The following CPNE4 variants were observed in gnomAD, a reference collection of about 807,000 sequenced individuals.
CPNE4 encodes the protein copine-4.
Under a neutral mutation model 67.9 loss-of-function variants are expected in CPNE4, and 25 were observed. That is an observed-to-expected ratio of 0.37 (90% CI 0.27 to 0.51). The LOEUF (loss-of-function observed/expected upper bound fraction) is 0.51, where lower values mean the gene tolerates loss of function less well. CPNE4 is among the 20% of genes least tolerant of loss of function. CPNE4 has a pLI of 0.93. For synonymous variants in CPNE4, 242 were observed against 244.9 expected, an observed-to-expected ratio of 0.99 and a Z score of 0.11; for missense variants, 464 against 690.8, an observed-to-expected ratio of 0.67 and a Z score of 3.68.
intron 7 of CPNE4, among the ~76,000 whole-genome samples, chr3:131,610,338 GA>G (rs1559979094): frequency 6.6e-6 from 1 of 152,192 alleles, no homozygotes; most frequent in African/African-American, 2.4e-5. Flanking sequence ...CAGTGAAGCA[GA>G]TACTATCAAT....
chr3:131,799,508 CTTTAAT>C (rs1317243553), intron 2 of CPNE4, among the ~76,000 whole-genome samples: 1 of 152,050 alleles, frequency 6.6e-6, no homozygotes, highest in Non-Finnish European at 1.5e-5. Flanking sequence ...TGTGTTTTGT[CTTTAAT>C]TTTGTTTTTT....
In CPNE4 at chr3:131,542,727, T is replaced by C. The variant is rs1935576001; in HGVS notation, c.1369A>G (p.Ile457Val). Residue 457 changes from isoleucine (I) to valine (V), a missense_variant, in exon 15 of 16, where the codon ATT (isoleucine) becomes GTT (valine). By Grantham distance (29) the Ile-to-Val change is conservative (BLOSUM62 3). Coordinates refer to ENST00000429747, the MANE Select transcript of CPNE4 (RefSeq NM_130808.3). ...ITDMADTREA[I>V]VHASHLPMSV... ...ATGGGGAGGTGGGAGGCATGGACAA[T>C]GGCCTCCCGGGTGTCGGCCATGTCT... The C allele has an allele frequency of 6.2e-7, 1 of 1,613,838 alleles. No homozygotes were observed. Among genetic ancestry groups the C allele is most frequent in the Non-Finnish European group, 8.5e-7 (1 of 1,179,932 alleles).
intron 8 of CPNE4, among the ~76,000 whole-genome samples, chr3:131,585,524 TTCTC>T (rs748093398): frequency 3.6e-4 from 55 of 152,218 alleles, no homozygotes; most frequent in Non-Finnish European, 6.9e-4. Context: ...CTTAAACGAT[TTCTC>T]TCTGTTTGAA....
intron 2 of CPNE4, among the ~76,000 whole-genome samples, chr3:131,892,015 G>C (rs545986216): frequency 2.1e-4 from 32 of 152,206 alleles, no homozygotes; most frequent in Non-Finnish European, 4.1e-4. Context: ...GAAAGCCCAG[G>C]ATAGGACCGT....
rs570640349 is a variant in CPNE4 at position 132,020,847 on chromosome 3, G to A, written c.-2+13720C>T. On this transcript the variant is annotated intron_variant, in intron 1 of 15. Transcript: ENST00000429747. The stretch of plus-strand genomic sequence containing the variant: ...CATGCCCAAAATTGCACCCGCACAC[G>A]AGGAAGTCTCAAATGTTGCTGAACA... 1.4e-4 allele frequency among the ~76,000 whole-genome samples: 21 copies of A among 152,272 alleles called. 1 individual carries two copies. In the South Asian group the frequency reaches 3.9e-3, roughly 29 times the overall value.
chr3:131,872,503 A>C (rs9852025), intron 2 of CPNE4, among the ~76,000 whole-genome samples: 96,258 of 151,956 alleles, frequency 0.63, 30,725 homozygotes, highest in Admixed American at 0.72. Flanking sequence ...TCTACTCAGA[A>C]CTTCAGCTGT....
intron 2 of CPNE4, among the ~76,000 whole-genome samples, chr3:131,752,638 T>A (rs555501234): frequency 1.3e-5 from 2 of 152,262 alleles, no homozygotes; most frequent in African/African-American, 4.8e-5. Context: ...TTTAGTGAGA[T>A]GAATGGGGAA....
intron 1 of CPNE4, among the ~76,000 whole-genome samples, chr3:131,947,114 T>C (rs74924635): frequency 0.021 from 3,226 of 152,334 alleles, 115 homozygotes; most frequent in African/African-American, 0.072. Flanking sequence ...AGCTCTATCA[T>C]AAATTTTGAA....
chr3:131,573,095 T>C (rs1937416879), intron 10 of CPNE4, among the ~76,000 whole-genome samples: 2 of 152,110 alleles, frequency 1.3e-5, no homozygotes, highest in Admixed American at 1.3e-4. Context: ...ACTGGTATGT[T>C]TCCTTTAGTA....
intron 2 of CPNE4, among the ~76,000 whole-genome samples, chr3:131,770,961 C>A (rs981055270): frequency 2.6e-5 from 4 of 152,088 alleles, no homozygotes; most frequent in African/African-American, 4.8e-5. Flanking sequence ...ATTGATCAAG[C>A]CAGAAGACAT....
intron 2 of CPNE4, among the ~76,000 whole-genome samples, chr3:131,842,967 G>A (rs888422859): frequency 8.6e-5 from 13 of 152,034 alleles, no homozygotes; most frequent in Non-Finnish European, 1.3e-4. Flanking sequence ...CCTGAGTCCT[G>A]CACCGGTGCT....
chr3:131,614,163 G>C (rs1287314880), intron 7 of CPNE4, among the ~76,000 whole-genome samples: 2 of 152,094 alleles, frequency 1.3e-5, no homozygotes, highest in Admixed American at 1.3e-4. Flanking sequence ...TTACTGTGAA[G>C]GTATAGAATC....
intron 7 of CPNE4, among the ~76,000 whole-genome samples, chr3:131,623,397 A>G (rs1264925189): frequency 6.6e-6 from 1 of 152,170 alleles, no homozygotes; most frequent in African/African-American, 2.4e-5. Flanking sequence ...CTCAAAAATA[A>G]AAAAATCTTG....
chr3:131,842,214 A>C (rs1000087823), intron 2 of CPNE4, among the ~76,000 whole-genome samples: 1 of 152,248 alleles, frequency 6.6e-6, no homozygotes, highest in Non-Finnish European at 1.5e-5. Context: ...AAGTTTCTAC[A>C]AAGAATGGGA....
At chr3:131,776,203 CAGTT>C (rs1388510747) in intron 2 of CPNE4, among the ~76,000 whole-genome samples, 1 of 138,772 alleles carries the variant, frequency 7.2e-6, no homozygotes, top group Non-Finnish European at 1.7e-5. Context: ...GCATCTTACT[CAGTT>C]GGTGGTGGTA....
intron 2 of CPNE4, among the ~76,000 whole-genome samples, chr3:131,788,222 AAAAAC>A (rs1483324268): frequency 1.3e-5 from 2 of 151,510 alleles, no homozygotes; most frequent in Admixed American, 1.3e-4. Context: ...TGGAATTTAA[AAAAAC>A]AAAAGACAAA....
intron 7 of CPNE4, among the ~76,000 whole-genome samples, chr3:131,656,092 C>T (rs2079954898): frequency 6.7e-6 from 1 of 148,208 alleles, no homozygotes; most frequent in Non-Finnish European, 1.5e-5. Flanking sequence ...TCCAGCCCCT[C>T]ATTCCTGAAG....
intron 1 of CPNE4, among the ~76,000 whole-genome samples, chr3:132,010,605 G>A (rs16838287): frequency 0.19 from 29,604 of 151,960 alleles, 2,946 homozygotes; most frequent in African/African-American, 0.21. Flanking sequence ...TCAGTGGCCA[G>A]GCATAACCCC....
chr3:131,602,084 A>G (rs1939237991), intron 7 of CPNE4, among the ~76,000 whole-genome samples: 1 of 152,192 alleles, frequency 6.6e-6, no homozygotes, highest in Non-Finnish European at 1.5e-5. Context: ...ACCTCCAGAG[A>G]TTCTGATTAA....
Sources: allele counts gnomAD v4.1 joint callset (sites outside exome capture counted in the v4.1 genomes callset), GRCh38; gene constraint gnomAD v4.1.1; transcripts MANE v1.5; gene names NCBI Gene and HGNC (gene_info 2026-07-23, HGNC 2026-07-21).